Variants in PCDH15 observed in about 807,000 individuals in gnomAD.
PCDH15 encodes protocadherin related 15.
In PCDH15, 129 loss-of-function variants were observed where a neutral mutation model predicts 178.5. The ratio of observed to expected loss-of-function variants is 0.72; its 90% CI spans 0.63 to 0.84. The LOEUF (loss-of-function observed/expected upper bound fraction) is 0.84, where lower values mean the gene tolerates loss of function less well. Among genes scored for constraint, PCDH15 ranks in the 40% least tolerant of loss-of-function variants. The pLI is 0.00. For synonymous variants in PCDH15, 800 were observed against 732.0 expected, an observed-to-expected ratio of 1.09 and a Z score of -1.50; for missense variants, 2,230 against 2,099.9, an observed-to-expected ratio of 1.06 and a Z score of -1.21.
chr10:55,543,383 A>G (rs900900440), intron 2 of PCDH15, among the ~76,000 whole-genome samples: 1 of 149,366 alleles, frequency 6.7e-6, no homozygotes, highest in African/African-American at 2.4e-5. Flanking sequence ...ATGCCTGTAT[A>G]TATATATATG....
chr10:54,091,718 CT>C (rs1268004540), intron 15 of PCDH15, among the ~76,000 whole-genome samples: 1 of 152,194 alleles, frequency 6.6e-6, no homozygotes, highest in African/African-American at 2.4e-5. Context: ...CTTCGCATGG[CT>C]CCTATGACAT....
chr10:55,492,261 TA>T (rs2132129275), intron 2 of PCDH15, among the ~76,000 whole-genome samples: 1 of 151,664 alleles, frequency 6.6e-6, no homozygotes, highest in South Asian at 2.1e-4. Context: ...CTCAGAGCTG[TA>T]AAAACAGCCT....
intron 2 of PCDH15, among the ~76,000 whole-genome samples, chr10:55,549,248 CTAA>C (rs1347111471): frequency 3.3e-5 from 5 of 151,812 alleles, no homozygotes; most frequent in Non-Finnish European, 7.4e-5. Context: ...AATATATTCT[CTAA>C]TAATATTAAC....
intron 3 of PCDH15, among the ~76,000 whole-genome samples, chr10:54,860,336 TC>T (rs1346899041): frequency 6.6e-6 from 1 of 152,092 alleles, no homozygotes; most frequent in Non-Finnish European, 1.5e-5. Flanking sequence ...TGTCTATTGT[TC>T]CCATCTTTAT....
chr10:54,355,773 C>T (rs1379993572), intron 5 of PCDH15, among the ~76,000 whole-genome samples: 1 of 151,992 alleles, frequency 6.6e-6, no homozygotes, highest in African/African-American at 2.4e-5. Flanking sequence ...TGGTTCTCAG[C>T]AAGCAAATTA....
At chr10:54,136,861 T>C (rs1340183782) in intron 14 of PCDH15, among the ~76,000 whole-genome samples, 1 of 152,202 alleles carries the variant, frequency 6.6e-6, no homozygotes, top group African/African-American at 2.4e-5. Context: ...GAATTGCTAA[T>C]TGTGTTCCCC....
intron 1 of PCDH15, among the ~76,000 whole-genome samples, chr10:54,700,519 A>G (rs1371423271): frequency 3.9e-5 from 6 of 152,146 alleles, no homozygotes; most frequent in Non-Finnish European, 8.8e-5. Context: ...TTAAGAAAAA[A>G]CAAAGCTGAT....
At chr10:55,380,761 C>A (rs1317506994) in intron 2 of PCDH15, among the ~76,000 whole-genome samples, 2 of 152,102 alleles carry the variant, frequency 1.3e-5, no homozygotes, top group Admixed American at 6.6e-5. Context: ...TAATAAAGTT[C>A]TTTGTCTCTC....
chr10:54,978,693 T>C (rs1300568429), intron 2 of PCDH15, among the ~76,000 whole-genome samples: 2 of 152,206 alleles, frequency 1.3e-5, no homozygotes, highest in Non-Finnish European at 2.9e-5. Context: ...TTGACTTAAA[T>C]CTGCATATCA....
intron 2 of PCDH15, among the ~76,000 whole-genome samples, chr10:55,128,892 T>G (rs1447697897): frequency 6.6e-6 from 1 of 152,006 alleles, no homozygotes; most frequent in Non-Finnish European, 1.5e-5. Flanking sequence ...CCTGCCAGAG[T>G]TTCATGGATA....
At chr10:54,577,056 T>A (rs563168716) in intron 2 of PCDH15, among the ~76,000 whole-genome samples, 1 of 150,800 alleles carries the variant, frequency 6.6e-6, no homozygotes, top group Non-Finnish European at 1.5e-5. Flanking sequence ...GAGCACAGAA[T>A]GTATACCTGA....
intron 2 of PCDH15, among the ~76,000 whole-genome samples, chr10:54,611,189 C>G (rs2092949066): frequency 6.6e-6 from 1 of 151,722 alleles, no homozygotes; most frequent in Non-Finnish European, 1.5e-5. Context: ...CTCCCATTTT[C>G]TTGCCAAGTT....
chr10:53,996,817 T>A (rs1378537109), intron 20 of PCDH15, among the ~76,000 whole-genome samples: 1 of 152,146 alleles, frequency 6.6e-6, no homozygotes, highest in Non-Finnish European at 1.5e-5. Flanking sequence ...GGGTCAAACA[T>A]ATTTGAACTG....
At chr10:54,799,932 G>A (rs1033632674) in intron 1 of PCDH15, among the ~76,000 whole-genome samples, 2 of 152,106 alleles carry the variant, frequency 1.3e-5, no homozygotes, top group African/African-American at 4.8e-5. Context: ...CAAGCATTTT[G>A]CGCTCAAAAT....
chr10:54,886,582 T>C (rs890619690), intron 3 of PCDH15, among the ~76,000 whole-genome samples: 2 of 152,166 alleles, frequency 1.3e-5, no homozygotes, highest in African/African-American at 4.8e-5. Context: ...GCCAACGTGG[T>C]AAAACCACAT....
intron 26 of PCDH15, among the ~76,000 whole-genome samples, chr10:53,896,139 G>T (rs1460542050): frequency 6.6e-6 from 1 of 151,834 alleles, no homozygotes; most frequent in East Asian, 1.9e-4. Flanking sequence ...TATTTAAAGA[G>T]TGTAGGCTAA....
chr10:55,450,786 T>C (rs1839417524), intron 2 of PCDH15, among the ~76,000 whole-genome samples: 2 of 152,068 alleles, frequency 1.3e-5, no homozygotes, highest in African/African-American at 2.4e-5. Flanking sequence ...ATCAATGCTA[T>C]TGACACTAAA....
At chr10:55,582,394 TA>T (rs974157480) in intron 2 of PCDH15, among the ~76,000 whole-genome samples, 1 of 151,646 alleles carries the variant, frequency 6.6e-6, no homozygotes, top group Admixed American at 6.6e-5. Context: ...TCTTGAGTTA[TA>T]AAAGAAAGGT....
chr10:54,529,856 G>A (rs146690458), intron 2 of PCDH15, among the ~76,000 whole-genome samples: 235 of 151,728 alleles, frequency 1.5e-3, no homozygotes, highest in African/African-American at 5.5e-3. Flanking sequence ...TGAATAATTA[G>A]GCTTTGGAAA....
Sources: allele counts gnomAD v4.1 joint callset (sites outside exome capture counted in the v4.1 genomes callset), GRCh38; gene constraint gnomAD v4.1.1; transcripts MANE v1.5; gene names NCBI Gene and HGNC (gene_info 2026-07-23, HGNC 2026-07-21).